CHD8: variants seen among roughly 807,000 people sequenced by gnomAD.
CHD8 encodes chromodomain helicase DNA binding protein 8.
Under a neutral mutation model 279.2 loss-of-function variants are expected in CHD8, and 31 were observed. The observed-to-expected ratio is 0.11, with a 90% CI of 0.08 to 0.15. CHD8 has a LOEUF of 0.15. Among genes scored for constraint, CHD8 ranks in the 10% least tolerant of loss-of-function variants. The probability of loss-of-function intolerance (pLI) is 1.00; values close to 1 mark genes in which losing one functional copy is unlikely to be tolerated. For missense variants in CHD8, 2,146 were observed against 3,230.5 expected (o/e 0.66, Z 8.14); for synonymous variants, 1,081 against 1,139.6 (o/e 0.95, Z 1.04).
rs763895711 is a variant in CHD8, at chr14:21,386,649, A to G, written c.7183-473T>C. ...TCAGGAGATCGAGACCATCCTGGCT[A>G]ACACGGTGAAACCCGGTCTCTACTA... is the stretch of plus-strand genomic sequence containing the variant. On this transcript the variant is annotated intron_variant, in intron 37 of 37. Coordinates refer to ENST00000646647, the MANE Select transcript of CHD8 (RefSeq NM_001170629.2). Among the ~76,000 whole-genome samples the G allele has an allele frequency of 3.7e-4, 56 of 152,106 alleles. 2 individuals are homozygous for G. Among genetic ancestry groups the G allele is most frequent in the Non-Finnish European group, 1.0e-4 (7 of 68,012 alleles).
chr14:21,391,161 T>A, intron 36 of CHD8, 98 bp from the exon 37 acceptor site: 1 of 839,244 alleles, frequency 1.2e-6, no homozygotes, highest in Non-Finnish European at 1.9e-6. Flanking sequence ...AAACACTTAT[T>A]ACATAGATAA....
At chr14:21,410,395 T>C (rs1888438808) in intron 10 of CHD8, among the ~76,000 whole-genome samples, 1 of 152,216 alleles carries the variant, frequency 6.6e-6, no homozygotes, top group African/African-American at 2.4e-5. Context: ...GGATGAGGAC[T>C]ATCAGCTTAT....
rs1888219151 is a variant in CHD8 at position 21,405,489 on chromosome 14, A to G, written c.3052-25T>C. On this transcript the variant is annotated intron_variant, in intron 15 of 37. Transcript: ENST00000646647. The surrounding 1 kb of genome is among the most constrained non-coding windows in gnomAD (Gnocchi z 4.2). ...CCTGTGGTCCATTACAGAGAGAAAA[A>G]TAAATCAATAAGATGAGGGCGAACA... is the stretch of plus-strand genomic sequence containing the variant. The G allele has an allele frequency of 1.9e-6, 3 of 1,592,260 alleles. No homozygotes were observed. The highest frequency in any genetic ancestry group is 2.6e-6 in the Non-Finnish European group (3 of 1,169,298).
Position 21,394,954 on chromosome 14 carries a change from G to C in CHD8, c.5348C>G (p.Ala1783Gly), listed in dbSNP as rs751773278. ...GDRRRRRCEAAFKLKEIARRE... is the reference protein window; with the variant it reads ...GDRRRRRCEAGFKLKEIARRE... ...CCGTGCAATTTCTTTCAGCTTGAAG[G>C]CTGCTTCACAACGCCGCCTTCGCCG... The change falls in exon 30 of 38, where the codon GCC becomes GGC. Residue 1783 changes from alanine to glycine, a missense_variant. Ala to Gly is a moderately conservative substitution (Grantham distance 60). Transcript: ENST00000646647. The C allele has an allele frequency of 6.2e-6, 10 of 1,613,966 alleles. No individual in the cohort carries two copies. Among genetic ancestry groups the C allele is most frequent in the African/African-American group, 1.3e-5 (1 of 75,032 alleles).
In CHD8 at chr14:21,415,782, G is replaced by A. The variant is rs376100482; in HGVS notation, c.1842C>T (p.Leu614=). ...VTGPIKPEPI[L]PEPVQEPDGE... is the part of the protein sequence containing the mutation. Reference sequence around the variant, plus strand: ...CATCTGGTTCTTGCACTGGTTCAGGGAGGATAGGCTCAGGTTTTATTGGAC... The same window carrying A: ...CATCTGGTTCTTGCACTGGTTCAGGAAGGATAGGCTCAGGTTTTATTGGAC... Residue 614 remains leucine (L), a synonymous_variant, in exon 6 of 38, where the codon CTC becomes CTT. Coordinates refer to ENST00000646647, the MANE Select transcript of CHD8 (RefSeq NM_001170629.2). 4.3e-6 allele frequency: 7 copies of A among 1,613,946 alleles called. No individual in the cohort carries two copies. In the South Asian group the frequency reaches 5.5e-5, roughly 13 times the overall value.
At chr14:21,418,272 C>A (rs1888834885) in intron 5 of CHD8, among the ~76,000 whole-genome samples, 1 of 152,124 alleles carries the variant, frequency 6.6e-6, no homozygotes, top group African/African-American at 2.4e-5. Flanking sequence ...AATCCCAGCA[C>A]TTTGGAAGGC....
chr14:21,424,115 T>C (rs1889184618), intron 5 of CHD8, among the ~76,000 whole-genome samples: 1 of 152,244 alleles, frequency 6.6e-6, no homozygotes, highest in African/African-American at 2.4e-5. Context: ...GGACAGTTAC[T>C]TTAAAATGTA....
intron 5 of CHD8, among the ~76,000 whole-genome samples, chr14:21,420,288 T>C (rs1888966201): frequency 6.6e-6 from 1 of 152,082 alleles, no homozygotes; most frequent in East Asian, 1.9e-4. Flanking sequence ...GATCGGCTCT[T>C]CTAGCCCTGT....
At position 21,405,510 on chromosome 14, in the gene CHD8, G is replaced by A. The variant is rs367662957; in HGVS notation, c.3052-46C>T. The A allele has an allele frequency of 3.4e-5, 53 of 1,581,282 alleles. No individual in the cohort carries two copies. The highest frequency in any genetic ancestry group is 1.7e-4 in the Middle Eastern group (1 of 5,968). ...AAAAATAAATCAATAAGATGAGGGC[G>A]AACATTCTCACATTATGTAGAAACA... On this transcript the variant is annotated intron_variant, in intron 15 of 37. Coordinates refer to ENST00000646647, the MANE Select transcript of CHD8 (RefSeq NM_001170629.2). This position sits in a 1 kb window ranked among gnomAD's most constrained non-coding sequence, Gnocchi z 4.2.
Position 21,391,964 on chromosome 14 carries a change from C to G in CHD8, c.6772-18G>C, listed in dbSNP as rs201423012. The G allele has an allele frequency of 9.9e-6, 15 of 1,518,414 alleles. No homozygotes were observed. In the East Asian group the frequency reaches 3.1e-4, roughly 32 times the overall value. 94.1% of individuals were successfully genotyped at this position (1,518,414 alleles called of 1,614,324 possible). On this transcript the variant is annotated intron_variant, in intron 34 of 37. Transcript: ENST00000646647. ...CCTTCCTCCTAGGAAGACAACCCAC[C>G]CACCCAAGACATCATATGGTACATG...
At chr14:21,399,426 A>T in intron 26 of CHD8, 176 bp downstream of exon 26, 1 of 572,196 alleles carries the variant, frequency 1.7e-6, no homozygotes, top group Non-Finnish European at 3.1e-6. Context: ...CTTCTTGAAC[A>T]TCTATTTATA....
intron 5 of CHD8, chr14:21,416,178 G>A (rs940246551): frequency 1.5e-5 from 5 of 330,690 alleles, no homozygotes; most frequent in Non-Finnish European, 2.2e-5. Context: ...AATCAAAACT[G>A]GATTCTCAGG....
intron 1 of CHD8, among the ~76,000 whole-genome samples, chr14:21,441,683 T>C (rs988514939): frequency 3.3e-5 from 5 of 151,938 alleles, no homozygotes; most frequent in Non-Finnish European, 5.9e-5. Context: ...GGTCAGGAGA[T>C]GGAGACCATC....
intron 1 of CHD8, chr14:21,437,087 G>A (rs975207671): frequency 2.4e-6 from 2 of 831,590 alleles, no homozygotes; most frequent in East Asian, 1.3e-4. Flanking sequence ...TGGATGCCCG[G>A]GATAGGAGCA....
Position 21,403,734 on chromosome 14 carries a change from G to T in CHD8, c.3308-71C>A. The T allele has an allele frequency of 8.0e-7, 1 of 1,251,610 alleles. No homozygotes were observed. Among genetic ancestry groups the T allele is most frequent in the Non-Finnish European group, 1.1e-6 (1 of 885,928 alleles). The allele number at this position is 1,251,610 out of a possible 1,614,324, so 77.5% of individuals were successfully genotyped here. ...TTAAGGTTGTAGTCTATTTAACTAAGAAAGCAAAAGGAAAAAAATGTAATT... is the reference window on the plus strand; with the variant it reads ...TTAAGGTTGTAGTCTATTTAACTAATAAAGCAAAAGGAAAAAAATGTAATT... On this transcript the variant is annotated intron_variant, in intron 16 of 37. Transcript: ENST00000646647. This position sits in a 1 kb window ranked among gnomAD's most constrained non-coding sequence, Gnocchi z 4.3.
At chr14:21,451,986 A>C (rs1289207399) in intron 1 of CHD8, among the ~76,000 whole-genome samples, 1 of 152,222 alleles carries the variant, frequency 6.6e-6, no homozygotes, top group South Asian at 2.1e-4. Context: ...TCACCCACAA[A>C]ACTGAGAGAT....
intron 5 of CHD8, among the ~76,000 whole-genome samples, chr14:21,416,795 C>T (rs956821964): frequency 6.6e-6 from 1 of 151,922 alleles, no homozygotes; most frequent in Non-Finnish European, 1.5e-5. Context: ...TATGAAAACA[C>T]AAAGATTAAT....
intron 13 of CHD8, 81 bp from the exon 14 acceptor site, chr14:21,407,113 A>C: frequency 8.4e-7 from 1 of 1,185,896 alleles, no homozygotes; most frequent in Non-Finnish European, 1.2e-6. Context: ...TGCCTATATT[A>C]AGGCATGTTT....
intron 1 of CHD8, among the ~76,000 whole-genome samples, chr14:21,453,991 T>TA (rs1375933531): frequency 6.6e-6 from 1 of 150,380 alleles, no homozygotes; most frequent in East Asian, 1.9e-4. Context: ...CCGTCTCTAC[T>TA]AAAAATAAAA....
Sources: allele counts gnomAD v4.1 joint callset (sites outside exome capture counted in the v4.1 genomes callset), GRCh38; gene constraint gnomAD v4.1.1; non-coding constraint Gnocchi (gnomAD v3.1); transcripts MANE v1.5; gene names NCBI Gene and HGNC (gene_info 2026-07-23, HGNC 2026-07-21).